The following TAFA4 variants were observed in gnomAD, a reference collection of about 807,000 sequenced individuals.
TAFA4 encodes the protein chemokine-like protein TAFA-4.
TAFA4 carries 20 observed loss-of-function variants against 21.1 expected under a neutral mutation model. The ratio of observed to expected loss-of-function variants is 0.95; its 90% CI spans 0.67 to 1.38. The LOEUF (loss-of-function observed/expected upper bound fraction) is 1.38. Ranked by LOEUF, TAFA4 falls within the 40% of genes most tolerant of loss-of-function variation. The pLI, the probability that TAFA4 is intolerant of heterozygous loss-of-function variation, is 0.00. For missense variants in TAFA4, 211 were observed against 180.9 expected (o/e 1.17, Z -0.95); for synonymous variants, 71 against 67.4 (o/e 1.05, Z -0.26).
At chr3:68,780,506 A>G (rs887498354) in intron 3 of TAFA4, among the ~76,000 whole-genome samples, 3 of 152,204 alleles carry the variant, frequency 2.0e-5, no homozygotes, top group Admixed American at 6.5e-5. Context: ...GTGATAGTGA[A>G]TAAGTCTCAT....
At chr3:68,758,036 C>A (rs1284254825) in intron 3 of TAFA4, among the ~76,000 whole-genome samples, 2 of 152,072 alleles carry the variant, frequency 1.3e-5, no homozygotes, top group African/African-American at 4.8e-5. Context: ...TTAACTAATT[C>A]ACCCAGGGCC....
At chr3:68,831,855 A>T (rs1188782337) in intron 3 of TAFA4, among the ~76,000 whole-genome samples, 2 of 152,124 alleles carry the variant, frequency 1.3e-5, no homozygotes, top group Non-Finnish European at 2.9e-5. Flanking sequence ...ACATAGTCCC[A>T]TATTTCTTGG....
intron 3 of TAFA4, among the ~76,000 whole-genome samples, chr3:68,792,671 ATCT>A (rs1286649681): frequency 6.6e-6 from 1 of 152,194 alleles, no homozygotes; most frequent in East Asian, 1.9e-4. Flanking sequence ...ATTGACAAAA[ATCT>A]TCTGTGTTCC....
chr3:68,910,788 T>C (rs1183158663), intron 1 of TAFA4, among the ~76,000 whole-genome samples: 1 of 152,212 alleles, frequency 6.6e-6, no homozygotes, highest in Non-Finnish European at 1.5e-5. Flanking sequence ...TCTGACTATA[T>C]ACGATTTTTC....
intron 3 of TAFA4, among the ~76,000 whole-genome samples, chr3:68,832,835 G>T (rs1704432251): frequency 6.6e-6 from 1 of 152,216 alleles, no homozygotes. Flanking sequence ...GCTGCAGTGG[G>T]CTCTGCCCAG....
chr3:68,918,322 CG>C (rs199989235), intron 1 of TAFA4, among the ~76,000 whole-genome samples: 1,833 of 152,214 alleles, frequency 0.012, 19 homozygotes, highest in Non-Finnish European at 0.018. Flanking sequence ...CACTGTCAAC[CG>C]TCATCCTCTG....
chr3:68,832,814 G>A (rs1403494599), intron 3 of TAFA4, among the ~76,000 whole-genome samples: 5 of 152,236 alleles, frequency 3.3e-5, no homozygotes, highest in African/African-American at 1.2e-4. Context: ...AGAGGCAGTA[G>A]GCCTTGCTGA....
At chr3:68,928,983 A>AT (rs1553655721) in intron 1 of TAFA4, among the ~76,000 whole-genome samples, 7 of 71,392 alleles carry the variant, frequency 9.8e-5, no homozygotes, top group East Asian at 5.0e-4. Flanking sequence ...AATTAAGTTT[A>AT]TTTAAAAAAA....
chr3:68,781,014 A>G (rs1290958397), intron 3 of TAFA4, among the ~76,000 whole-genome samples: 2 of 152,172 alleles, frequency 1.3e-5, no homozygotes, highest in South Asian at 2.1e-4. Flanking sequence ...CAAACTATTG[A>G]AAAGTAAACA....
At chr3:68,769,496 T>A (rs1702913963) in intron 3 of TAFA4, among the ~76,000 whole-genome samples, 1 of 152,206 alleles carries the variant, frequency 6.6e-6, no homozygotes, top group African/African-American at 2.4e-5. Flanking sequence ...TGGGGACCAC[T>A]GTTCTACTGC....
At chr3:68,788,453 G>A (rs933213944) in intron 3 of TAFA4, among the ~76,000 whole-genome samples, 8 of 152,162 alleles carry the variant, frequency 5.3e-5, no homozygotes, top group Non-Finnish European at 1.2e-4. Context: ...TCTTTGCTGT[G>A]CAGAAACTTT....
rs534156237 is a variant in TAFA4 at position 68,839,104 on chromosome 3, AAAC to A, written c.130+41623_130+41625del. Among the ~76,000 whole-genome samples, 8 of 152,310 alleles carry A rather than the reference AAAC, an allele frequency of 5.3e-5. No individual in the cohort carries two copies. The South Asian group carries it at 1.0e-3, about 20-fold the overall frequency. On this transcript the variant is annotated intron_variant, in intron 3 of 5. Coordinates refer to ENST00000295569, the MANE Select transcript of TAFA4 (RefSeq NM_182522.5). ...CAGAGCGAGACCTTGTCTCAAAGAA[AAAC>A]AACAACAACAAAAATTCCCTGCCTA...
chr3:68,914,527 A>C (rs893825571), intron 1 of TAFA4, among the ~76,000 whole-genome samples: 4 of 152,010 alleles, frequency 2.6e-5, no homozygotes, highest in Non-Finnish European at 4.4e-5. Flanking sequence ...CCTTATGTGT[A>C]AAGTTAGTAA....
At chr3:68,846,884 C>T (rs944013131) in intron 3 of TAFA4, among the ~76,000 whole-genome samples, 1 of 151,926 alleles carries the variant, frequency 6.6e-6, no homozygotes, top group Non-Finnish European at 1.5e-5. Flanking sequence ...CTGTTCCTTC[C>T]TCTGGAAGCT....
chr3:68,804,084 A>G lies in TAFA4; in HGVS notation c.131-51066T>C, dbSNP rs372991489. Among the ~76,000 whole-genome samples, 75 of 152,092 alleles carry G rather than the reference A, an allele frequency of 4.9e-4. 1 individual carries two copies. The Middle Eastern group carries it at 0.017, about 34-fold the overall frequency. ...ATTATAGGTGTGAGCCATCATGCCC[A>G]GTCTATTTTTCAAACTTTATATAAT... On this transcript the variant is annotated intron_variant, in intron 3 of 5. Coordinates refer to ENST00000295569, the MANE Select transcript of TAFA4 (RefSeq NM_182522.5).
intron 3 of TAFA4, among the ~76,000 whole-genome samples, chr3:68,800,648 T>C (rs1312305275): frequency 6.6e-6 from 1 of 152,164 alleles, no homozygotes; most frequent in African/African-American, 2.4e-5. Context: ...ACTCCCCAAC[T>C]GGTCTGCTCC....
At chr3:68,787,116 G>T (rs1056056911) in intron 3 of TAFA4, among the ~76,000 whole-genome samples, 4 of 152,144 alleles carry the variant, frequency 2.6e-5, no homozygotes, top group Non-Finnish European at 5.9e-5. Flanking sequence ...AATTAAAGAA[G>T]AGTCAGTTGA....
chr3:68,749,657 T>TG, intron 4 of TAFA4, among the ~76,000 whole-genome samples: 1 of 152,342 alleles, frequency 6.6e-6, no homozygotes, highest in East Asian at 1.9e-4. Flanking sequence ...AAACATTTAT[T>TG]GAACACCGAC....
At position 68,913,790 on chromosome 3, in the gene TAFA4, G is replaced by A. The variant is rs567706263; in HGVS notation, c.-123+18450C>T. On this transcript the variant is annotated intron_variant, in intron 1 of 5. Coordinates refer to ENST00000295569, the MANE Select transcript of TAFA4 (RefSeq NM_182522.5). The stretch of plus-strand genomic sequence containing the variant: ...TAGAGACAGAGAGAGAAAGAAATTC[G>A]AGCTCTAGAACTCACTAGGTGTGAC... 13 of 152,246 alleles carry A rather than the reference G, an allele frequency of 8.5e-5. No individual in the cohort carries two copies. In the East Asian group the frequency reaches 1.2e-3, roughly 14 times the overall value. The allele number at this position is 152,246 out of a possible 1,614,324, so 9.4% of individuals were successfully genotyped here.
Sources: allele counts gnomAD v4.1 joint callset (sites outside exome capture counted in the v4.1 genomes callset), GRCh38; gene constraint gnomAD v4.1.1; transcripts MANE v1.5; gene names NCBI Gene and HGNC (gene_info 2026-07-23, HGNC 2026-07-21).